FBRSL1: variants seen among roughly 807,000 people sequenced by gnomAD.
FBRSL1 encodes fibrosin-1-like protein.
In FBRSL1, 51 loss-of-function variants were observed where a neutral mutation model predicts 89.6. The ratio of observed to expected loss-of-function variants is 0.57; its 90% CI spans 0.45 to 0.72. The LOEUF (loss-of-function observed/expected upper bound fraction) is 0.72, where lower values mean the gene tolerates loss of function less well. FBRSL1 is among the 30% of genes least tolerant of loss of function. FBRSL1 has a pLI of 0.00. For missense variants in FBRSL1, 1,618 were observed against 1,451.8 expected (o/e 1.11, Z -1.86); for synonymous variants, 779 against 681.1 (o/e 1.14, Z -2.24).
chr12:132,496,865 G>A (rs867000830), intron 1 of FBRSL1, among the ~76,000 whole-genome samples: 4 of 117,888 alleles, frequency 3.4e-5, no homozygotes, highest in African/African-American at 1.3e-4. Context: ...TGCGCGGGGC[G>A]CGTCTCTGGT....
At chr12:132,550,268 G>A (rs2038044342) in intron 5 of FBRSL1, among the ~76,000 whole-genome samples, 1 of 97,942 alleles carries the variant, frequency 1.0e-5, no homozygotes, top group South Asian at 2.7e-4. Context: ...TTTCTCCAGG[G>A]CAGAACTTCG....
At chr12:132,567,446 C>A (rs945499642) in intron 5 of FBRSL1, 35 bp from the exon 6 acceptor site, 8 of 1,549,950 alleles carry the variant, frequency 5.2e-6, no homozygotes, top group Non-Finnish European at 7.0e-6. Context: ...TGAGGACCAC[C>A]CTGACTGCCC....
At chr12:132,504,550 G>A (rs1048409970) in intron 1 of FBRSL1, among the ~76,000 whole-genome samples, 3 of 152,088 alleles carry the variant, frequency 2.0e-5, no homozygotes, top group Non-Finnish European at 4.4e-5. Context: ...TTCTTGGAGG[G>A]CCCCTGTGTG....
At chr12:132,551,995 T>C in intron 5 of FBRSL1, 1 of 265,248 alleles carries the variant, frequency 3.8e-6, no homozygotes, top group Non-Finnish European at 7.6e-6. Flanking sequence ...GTGCCGGGCC[T>C]CAGCCAAGAG....
intron 2 of FBRSL1, among the ~76,000 whole-genome samples, chr12:132,515,699 A>G (rs1369050542): frequency 6.6e-6 from 1 of 152,120 alleles, no homozygotes; most frequent in African/African-American, 2.4e-5. Flanking sequence ...CAGGAGTTCA[A>G]GACCAGCCTG....
At chr12:132,580,431 C>T (rs77491831) in intron 15 of FBRSL1, among the ~76,000 whole-genome samples, 6,209 of 37,842 alleles carry the variant, frequency 0.16, 137 homozygotes, top group African/African-American at 0.34. Flanking sequence ...ACCTCGCTGC[C>T]TTCTCTGTGT....
intron 2 of FBRSL1, chr12:132,511,834 T>TGGCCCCCCCCCCCCG: frequency 1.1e-6 from 1 of 899,076 alleles, no homozygotes; most frequent in Non-Finnish European, 1.3e-6. Context: ...GCCCCCTCGC[T>TGGCCCCCCCCCCCCG]CCCCACCCAC....
At position 132,490,746 on chromosome 12, in the gene FBRSL1, C is replaced by A. The variant is rs986236119; in HGVS notation, c.176C>A (p.Pro59His). ...LRGAPPRGAA[P>H]APRTARPPRR... Reference sequence around the variant, plus strand: ...GGCGCGCCCCCCCGAGGCGCCGCCCCCGCGCCCCGCACCGCGCGTCCCCCG... The same window carrying A: ...GGCGCGCCCCCCCGAGGCGCCGCCCACGCGCCCCGCACCGCGCGTCCCCCG... Residue 59 changes from proline to histidine, a missense_variant, in exon 1 of 19, where the codon CCC becomes CAC. Coordinates refer to ENST00000680143, the MANE Select transcript of FBRSL1 (RefSeq NM_001367871.1). The A allele has an allele frequency of 3.8e-6, 4 of 1,039,086 alleles. No homozygotes were observed. Among genetic ancestry groups the A allele is most frequent in the South Asian group, 8.8e-5 (2 of 22,686 alleles). The allele number at this position is 1,039,086 out of a possible 1,614,324, so 64.4% of individuals were successfully genotyped here. A position where few individuals can be genotyped will look rare whatever the true frequency, so the allele number is the denominator to read the frequency against.
chr12:132,581,258 G>T (rs999531574), intron 15 of FBRSL1, 181 bp from the exon 16 acceptor site: 1 of 983,240 alleles, frequency 1.0e-6, no homozygotes, highest in African/African-American at 1.8e-5. Flanking sequence ...AACCTCCTCC[G>T]AATTGTGGGG....
chr12:132,514,672 C>T (rs1036229014), intron 2 of FBRSL1, among the ~76,000 whole-genome samples: 6 of 152,124 alleles, frequency 3.9e-5, no homozygotes, highest in Non-Finnish European at 7.4e-5. Context: ...CTCCTAGGGC[C>T]GGTACACGAC....
At chr12:132,517,315 G>A (rs1256272086) in intron 2 of FBRSL1, among the ~76,000 whole-genome samples, 1 of 152,258 alleles carries the variant, frequency 6.6e-6, no homozygotes, top group Non-Finnish European at 1.5e-5. Context: ...GAGTGGAAGA[G>A]GAAGGCTGAG....
rs368711946 is a variant in FBRSL1 at position 132,507,334 on chromosome 12, C to T, written c.292-819C>T. The T allele has an allele frequency of 3.6e-4, 357 of 985,478 alleles. 3 individuals are homozygous for T. The Middle Eastern group carries it at 6.8e-3, about 19-fold the overall frequency. The allele number at this position is 985,478 out of a possible 1,614,324, so 61.0% of individuals were successfully genotyped here. A position where few individuals can be genotyped will look rare whatever the true frequency, so the allele number is the denominator to read the frequency against. On this transcript the variant is annotated intron_variant, in intron 1 of 18. Transcript: ENST00000680143. The stretch of plus-strand genomic sequence containing the variant: ...GCTCCTCTGGACCCTAAACTTGACG[C>T]GCCGTATCTGTCTGCACCAGCCCTG...
Position 132,508,184 on chromosome 12 carries a change from A to G in FBRSL1, c.323A>G (p.Lys108Arg), listed in dbSNP as rs1304665648. ...KDMALKPHER[K>R]EKWERRLIKK... ...ATGGCCCTGAAGCCACATGAGCGGA[A>G]GGAGAAGTGGGAGCGTCGTCTCATC... is the stretch of plus-strand genomic sequence containing the variant. Residue 108 changes from lysine to arginine, a missense_variant, in exon 2 of 19, where the codon AAG becomes AGG. Physicochemically the swap from Lys to Arg is conservative, Grantham distance 26 (BLOSUM62 2). Coordinates refer to ENST00000680143, the MANE Select transcript of FBRSL1 (RefSeq NM_001367871.1). 1.9e-6 allele frequency: 3 copies of G among 1,551,244 alleles called. No homozygotes were observed. Among genetic ancestry groups the G allele is most frequent in the Admixed American group, 3.9e-5 (2 of 51,004 alleles).
intron 4 of FBRSL1, among the ~76,000 whole-genome samples, chr12:132,534,539 C>T (rs144705664): frequency 6.6e-6 from 1 of 152,368 alleles, no homozygotes; most frequent in East Asian, 1.9e-4. Context: ...ACCTCCCTGC[C>T]CCACATGTGC....
intron 4 of FBRSL1, among the ~76,000 whole-genome samples, chr12:132,542,447 G>T (rs946023586): frequency 1.3e-5 from 2 of 152,220 alleles, no homozygotes; most frequent in Non-Finnish European, 2.9e-5. Context: ...TGTTGTTGGG[G>T]TGTTTTTTCT....
intron 1 of FBRSL1, among the ~76,000 whole-genome samples, chr12:132,502,039 A>G (rs978945983): frequency 7.2e-5 from 11 of 152,210 alleles, no homozygotes; most frequent in African/African-American, 2.2e-4. Flanking sequence ...CAGAGAGTGC[A>G]TGGACGGGAC....
intron 11 of FBRSL1, 61 bp from the exon 12 acceptor site, chr12:132,574,029 C>T (rs775112409): frequency 3.9e-5 from 44 of 1,124,950 alleles, no homozygotes; most frequent in East Asian, 4.7e-5. Context: ...CCAGGAAGCC[C>T]GAGGCGTCCT....
At chr12:132,555,817 GA>G (rs1205559969) in intron 5 of FBRSL1, among the ~76,000 whole-genome samples, 9 of 152,216 alleles carry the variant, frequency 5.9e-5, no homozygotes, top group Non-Finnish European at 5.9e-5. Flanking sequence ...GATAACCTGG[GA>G]GGGCCCCATC....
chr12:132,522,887 C>T (rs1406911310), intron 2 of FBRSL1, among the ~76,000 whole-genome samples: 1 of 152,228 alleles, frequency 6.6e-6, no homozygotes. Context: ...GACGGAGCCA[C>T]CTTCTGTGTG....
Sources: gnomAD v4.1 joint callset for allele counts (sites outside exome capture counted in the v4.1 genomes callset) on GRCh38, gnomAD v4.1.1 for gene constraint, MANE v1.5 for transcripts, NCBI Gene and HGNC (gene_info 2026-07-23, HGNC 2026-07-21) for gene names.